Variants in NHLRC3 observed in about 807,000 individuals in gnomAD.
NHLRC3 encodes NHL repeat containing 3.
Under a neutral mutation model 32.0 loss-of-function variants are expected in NHLRC3, and 23 were observed. The ratio of observed to expected loss-of-function variants is 0.72; its 90% CI spans 0.52 to 1.02. The LOEUF (loss-of-function observed/expected upper bound fraction) is 1.02, where lower values mean the gene tolerates loss of function less well. Among genes scored for constraint, NHLRC3 ranks in the 50% least tolerant of loss-of-function variants. The pLI is 0.00. For missense variants in NHLRC3, 407 were observed against 406.8 expected (o/e 1.00, Z -0.01); for synonymous variants, 159 against 147.9 (o/e 1.08, Z -0.55).
upstream of NHLRC3, chr13:39,038,337 C>A: frequency 2.4e-6 from 1 of 414,256 alleles, no homozygotes; most frequent in Non-Finnish European, 4.4e-6. Flanking sequence ...TGAAAGTCAG[C>A]GGCGCGGACT....
intron 5 of NHLRC3, 49 bp downstream of exon 5, chr13:39,044,230 T>TGTGG (rs779866655): frequency 0.23 from 62,979 of 271,648 alleles, 2,648 homozygotes; most frequent in African/African-American, 0.36. Flanking sequence ...TGAATATGTT[T>TGTGG]GTGTGTGTGT....
In NHLRC3 at chr13:39,047,735, G is replaced by T. The variant is rs753871727; in HGVS notation, c.853G>T (p.Val285Leu). 6.2e-7 allele frequency: 1 copy of T among 1,613,914 alleles called. No homozygotes were observed. The highest frequency in any genetic ancestry group is 2.2e-5 in the East Asian group (1 of 44,876). Residue 285 changes from valine to leucine, a missense_variant, in exon 7 of 7, where the codon GTA (valine) becomes TTA (leucine). Val to Leu is a conservative substitution (Grantham distance 32, BLOSUM62 1). Coordinates refer to ENST00000379600, the MANE Select transcript of NHLRC3 (RefSeq NM_001012754.4). The stretch of plus-strand genomic sequence containing the variant: ...GCTGAATCTTAGCAGGCTCTCAGTC[G>T]TAGCAGCACCCCCAGTGGGAAGCAT... ...AQLNLSRLSV[V>L]AAPPVGSIGE...
chr13:39,047,969 C>T lies in NHLRC3; in HGVS notation c.*43C>T. 6.7e-7 allele frequency: 1 copy of T among 1,501,922 alleles called. No homozygotes were observed. The highest frequency in any genetic ancestry group is 9.1e-7 in the Non-Finnish European group (1 of 1,093,416). 93.0% of individuals were successfully genotyped at this position (1,501,922 alleles called of 1,614,324 possible). A position where few individuals can be genotyped will look rare whatever the true frequency, so the allele number is the denominator to read the frequency against. On this transcript the variant is annotated 3_prime_UTR_variant, in exon 7 of 7. Transcript: ENST00000379600. ...TATTTCAAGTGGCAGTTCAGATTCTCAATTCACTAAGTGCTTAAAAATGAT... is the reference window on the plus strand; with the variant it reads ...TATTTCAAGTGGCAGTTCAGATTCTTAATTCACTAAGTGCTTAAAAATGAT...
intron 5 of NHLRC3, 47 bp from the exon 6 acceptor site, chr13:39,046,986 CCCTTTTT>C (rs2138157604): frequency 2.8e-6 from 3 of 1,084,460 alleles, no homozygotes. Flanking sequence ...ACATTCTTTT[CCCTTTTT>C]TCTTCTCATG....
rs1871290483 is a variant in NHLRC3, at chr13:39,038,491, GCTCGTGCAT to G, written c.-147_-139del. On this transcript the variant is annotated 5_prime_UTR_variant, in exon 1 of 7. Transcript: ENST00000379600. The stretch of plus-strand genomic sequence containing the variant: ...GTCTCTGTTCCCTTTCGTACTCAAA[GCTCGTGCAT>G]CCAGGGAGGGGAAACCGGAGATAGG... 1 of 687,084 alleles carries G rather than the reference GCTCGTGCAT, an allele frequency of 1.5e-6. No homozygotes were observed. Among genetic ancestry groups the G allele is most frequent in the Non-Finnish European group, 2.6e-6 (1 of 379,606 alleles). 42.6% of individuals were successfully genotyped at this position (687,084 alleles called of 1,614,324 possible). A position where few individuals can be genotyped will look rare whatever the true frequency, so the allele number is the denominator to read the frequency against.
chr13:39,042,555 A>G (rs562833952), intron 4 of NHLRC3, among the ~76,000 whole-genome samples: 1 of 152,328 alleles, frequency 6.6e-6, no homozygotes, highest in African/African-American at 2.4e-5. Context: ...GAGAATTTCT[A>G]GTGGGCTCAG....
At position 39,039,304 on chromosome 13, in the gene NHLRC3, T is replaced by C; in HGVS notation, c.237+16T>C. The C allele has an allele frequency of 6.3e-7, 1 of 1,594,830 alleles. No homozygotes were observed. The highest frequency in any genetic ancestry group is 8.6e-7 in the Non-Finnish European group (1 of 1,164,548). ...CATAGGTCAAGTAAGTAAATAGAGA[T>C]TTAAAAAAATTATGAACACAAAGGA... is the stretch of plus-strand genomic sequence containing the variant. On this transcript the variant is annotated intron_variant, in intron 2 of 6. Coordinates refer to ENST00000379600, the MANE Select transcript of NHLRC3 (RefSeq NM_001012754.4).
intron 1 of NHLRC3, 58 bp from the exon 2 acceptor site, chr13:39,039,078 C>CAA: frequency 8.7e-6 from 9 of 1,038,038 alleles, no homozygotes; most frequent in Non-Finnish European, 1.0e-5. Flanking sequence ...CCCCCCCGCC[C>CAA]TTTTTTTGTT....
intron 1 of NHLRC3, 188 bp downstream of exon 1, chr13:39,038,911 C>T: frequency 1.5e-6 from 1 of 649,098 alleles, no homozygotes; most frequent in Non-Finnish European, 2.7e-6. Context: ...TCGCCATTTT[C>T]CTCTTTCCCA....
In NHLRC3 at chr13:39,038,591, CT is replaced by C. The variant is rs1194712932; in HGVS notation, c.-48del. ...CGTTGCAGCCTGAGGCTGTCAGGTCCTCCCCCAGACACCTGCGGACCCTCCC... is the reference window on the plus strand; with the variant it reads ...CGTTGCAGCCTGAGGCTGTCAGGTCCCCCCCAGACACCTGCGGACCCTCCC... On this transcript the variant is annotated 5_prime_UTR_variant, in exon 1 of 7. Transcript: ENST00000379600. The C allele has an allele frequency of 1.3e-6, 2 of 1,506,760 alleles. No individual in the cohort carries two copies. Among genetic ancestry groups the C allele is most frequent in the African/African-American group, 2.7e-5 (2 of 72,874 alleles). The allele number at this position is 1,506,760 out of a possible 1,614,324, so 93.3% of individuals were successfully genotyped here. A position where few individuals can be genotyped will look rare whatever the true frequency, so the allele number is the denominator to read the frequency against.
At chr13:39,040,238 T>C (rs1029527813) in intron 3 of NHLRC3, 1 of 151,886 alleles carries the variant, frequency 6.6e-6, no homozygotes, top group Admixed American at 6.6e-5. Context: ...GTTAATATGA[T>C]CTTTCCTTGA....
Position 39,042,324 on chromosome 13 carries a change from G to A in NHLRC3, c.586+19G>A. On this transcript the variant is annotated intron_variant, in intron 4 of 6. Transcript: ENST00000379600. The stretch of plus-strand genomic sequence containing the variant: ...TCCCAAGGTACATTACTTGTTTATG[G>A]TATTATAAAAATATTATAAATTGAT... The A allele has an allele frequency of 7.3e-7, 1 of 1,363,684 alleles. No homozygotes were observed. Among genetic ancestry groups the A allele is most frequent in the Non-Finnish European group, 1.0e-6 (1 of 966,798 alleles). 84.5% of individuals were successfully genotyped at this position (1,363,684 alleles called of 1,614,324 possible).
chr13:39,038,515 C>G lies in NHLRC3; in HGVS notation c.-125C>G. On this transcript the variant is annotated 5_prime_UTR_variant, in exon 1 of 7. Transcript: ENST00000379600. ...AGCTCGTGCATCCAGGGAGGGGAAA[C>G]CGGAGATAGGGTCTTCGGGCCCCGG... 5.2e-6 allele frequency: 4 copies of G among 764,792 alleles called. No individual in the cohort carries two copies. Among genetic ancestry groups the G allele is most frequent in the Non-Finnish European group, 9.3e-6 (4 of 430,622 alleles). 47.4% of individuals were successfully genotyped at this position (764,792 alleles called of 1,614,324 possible).
chr13:39,042,362 G>A (rs548601138), intron 4 of NHLRC3, 57 bp downstream of exon 4: 14 of 1,078,000 alleles, frequency 1.3e-5, no homozygotes, highest in African/African-American at 8.0e-5. Context: ...TAATTTGTTC[G>A]ATATTTGGTA....
intron 5 of NHLRC3, among the ~76,000 whole-genome samples, chr13:39,045,545 G>A (rs746423899): frequency 2.6e-5 from 4 of 152,144 alleles, no homozygotes; most frequent in Non-Finnish European, 4.4e-5. Flanking sequence ...CTATATGAAA[G>A]GTTAGTCAGT....
Position 39,039,657 on chromosome 13 carries a change from T to C in NHLRC3, c.331T>C (p.Phe111Leu). Reference sequence around the variant, plus strand: ...TACAGTTGACACACCTCATGGTATATTTGCAGCCAGTACTCTATATGAACA... The same window carrying C: ...TACAGTTGACACACCTCATGGTATACTTGCAGCCAGTACTCTATATGAACA... ...NYTVDTPHGI[F>L]AASTLYEQSV... Residue 111 changes from phenylalanine (F) to leucine (L), a missense_variant, in exon 3 of 7, where the codon TTT becomes CTT. By Grantham distance (22) the Phe-to-Leu change is conservative (BLOSUM62 0). Coordinates refer to ENST00000379600, the MANE Select transcript of NHLRC3 (RefSeq NM_001012754.4). The C allele has an allele frequency of 1.2e-6, 2 of 1,612,982 alleles. No homozygotes were observed. The highest frequency in any genetic ancestry group is 1.7e-6 in the Non-Finnish European group (2 of 1,178,986).
Position 39,044,105 on chromosome 13 carries a change from G to C in NHLRC3, c.602G>C (p.Trp201Ser). 6.2e-7 allele frequency: 1 copy of C among 1,612,052 alleles called. No homozygotes were observed. The highest frequency in any genetic ancestry group is 8.5e-7 in the Non-Finnish European group (1 of 1,178,172). The change falls in exon 5 of 7, where the codon TGG becomes TCG. Residue 201 changes from tryptophan to serine, a missense_variant. Trp to Ser is a radical substitution (Grantham distance 177). Transcript: ENST00000379600. ...IKLSQDFMIL[W>S]LHGENGTGPA... ...CCGTTTATAGATTTCATGATCCTTT[G>C]GCTGCATGGAGAAAATGGGACAGGG...
chr13:39,039,276 T>C lies in NHLRC3; in HGVS notation c.225T>C (p.Val75=). Residue 75 remains valine, a synonymous_variant, in exon 2 of 7, where the codon GTT becomes GTC. Coordinates refer to ENST00000379600, the MANE Select transcript of NHLRC3 (RefSeq NM_001012754.4). Reference sequence around the variant, plus strand: ...CAGTTGACTCCCTCAATGGATTGGTTTACATAGGTCAAGTAAGTAAATAGA... The same window carrying C: ...CAGTTGACTCCCTCAATGGATTGGTCTACATAGGTCAAGTAAGTAAATAGA... The part of the protein sequence containing the change: ...CVAVDSLNGL[V]YIGQRGDNIP... The C allele has an allele frequency of 6.2e-7, 1 of 1,613,368 alleles. No individual in the cohort carries two copies. The highest frequency in any genetic ancestry group is 8.5e-7 in the Non-Finnish European group (1 of 1,179,452).
chr13:39,039,282 A>G lies in NHLRC3; in HGVS notation c.231A>G (p.Ile77Met). 6.2e-7 allele frequency: 1 copy of G among 1,609,784 alleles called. No homozygotes were observed. The highest frequency in any genetic ancestry group is 1.3e-5 in the African/African-American group (1 of 74,892). ...AVDSLNGLVY[I>M]GQRGDNIPKI... is the part of the protein sequence containing the mutation. ...ACTCCCTCAATGGATTGGTTTACAT[A>G]GGTCAAGTAAGTAAATAGAGATTTA... The change falls in exon 2 of 7, where the codon ATA becomes ATG. Residue 77 changes from isoleucine (I) to methionine (M), a missense_variant. Ile to Met is a conservative substitution (Grantham distance 10, BLOSUM62 1). Transcript: ENST00000379600.
Sources: gnomAD v4.1 joint callset for allele counts (sites outside exome capture counted in the v4.1 genomes callset) on GRCh38, gnomAD v4.1.1 for gene constraint, MANE v1.5 for transcripts, NCBI Gene and HGNC (gene_info 2026-07-23, HGNC 2026-07-21) for gene names.